LAMA2: variants seen among roughly 807,000 people sequenced by gnomAD.
LAMA2 encodes laminin subunit alpha 2.
LAMA2 carries 269 observed loss-of-function variants against 364.8 expected under a neutral mutation model. The ratio of observed to expected loss-of-function variants is 0.74; its 90% CI spans 0.67 to 0.82. The LOEUF is 0.82. Among genes scored for constraint, LAMA2 ranks in the 40% least tolerant of loss-of-function variants. LAMA2 has a pLI of 0.00. For synonymous variants in LAMA2, 1,379 were observed against 1,370.6 expected (o/e 1.01, Z -0.14); for missense variants, 3,807 against 3,873.2 (o/e 0.98, Z 0.45).
intron 1 of LAMA2, among the ~76,000 whole-genome samples, chr6:128,961,433 G>A (rs1475259703): frequency 7.2e-6 from 1 of 138,014 alleles, no homozygotes; most frequent in Admixed American, 7.5e-5. Context: ...TATATCATGG[G>A]AGTTTATTAA....
chr6:128,953,677 G>C (rs1018055751), intron 1 of LAMA2, among the ~76,000 whole-genome samples: 2 of 151,574 alleles, frequency 1.3e-5, no homozygotes, highest in Non-Finnish European at 2.9e-5. Context: ...GCAAAGAGAA[G>C]AGAAAAAAGA....
At chr6:129,061,712 A>C (rs1788931841) in intron 3 of LAMA2, among the ~76,000 whole-genome samples, 1 of 152,206 alleles carries the variant, frequency 6.6e-6, no homozygotes, top group Admixed American at 6.5e-5. Context: ...AGATGAGTGA[A>C]TATGCCAAGA....
intron 1 of LAMA2, among the ~76,000 whole-genome samples, chr6:128,922,718 T>A (rs1033104438): frequency 4.6e-5 from 7 of 152,194 alleles, no homozygotes; most frequent in Non-Finnish European, 1.5e-5. Context: ...TTTAATTAGA[T>A]CCCATTTGTC....
In LAMA2 at chr6:129,492,093, C is replaced by CA; in HGVS notation, c.8075+17dup. 1 of 1,603,068 alleles carries CA rather than the reference C, an allele frequency of 6.2e-7. No homozygotes were observed. The highest frequency in any genetic ancestry group is 8.5e-7 in the Non-Finnish European group (1 of 1,169,974). On this transcript the variant is annotated intron_variant, in intron 57 of 64. Coordinates refer to ENST00000421865, the MANE Select transcript of LAMA2 (RefSeq NM_000426.4). The stretch of plus-strand genomic sequence containing the variant: ...TTAACTCTGTGTAAGTGGATCTCCT[C>CA]ATTACTACTACTAATTTTTTATTTT...
intron 19 of LAMA2, among the ~76,000 whole-genome samples, chr6:129,290,632 A>G (rs891008055): frequency 5.3e-5 from 8 of 152,170 alleles, no homozygotes; most frequent in African/African-American, 1.9e-4. Flanking sequence ...AGTAGCCTAA[A>G]TTCCCATGTC....
chr6:129,466,742 A>T (rs184908677), intron 51 of LAMA2, among the ~76,000 whole-genome samples: 12 of 152,028 alleles, frequency 7.9e-5, no homozygotes, highest in Admixed American at 4.6e-4. Flanking sequence ...TAGTAACTAC[A>T]AGTGAATCCA....
At chr6:129,386,030 G>A (rs776977433) in intron 35 of LAMA2, among the ~76,000 whole-genome samples, 2 of 151,702 alleles carry the variant, frequency 1.3e-5, no homozygotes, top group African/African-American at 2.4e-5. Flanking sequence ...TGAACGTTAT[G>A]GCATGGTTTT....
intron 1 of LAMA2, among the ~76,000 whole-genome samples, chr6:129,041,447 C>T (rs1787088836): frequency 6.6e-6 from 1 of 152,180 alleles, no homozygotes; most frequent in African/African-American, 2.4e-5. Context: ...TTGCCCAGTT[C>T]CTCTGATTCT....
rs563951099 is a variant in LAMA2, at chr6:129,432,049, T to A, written c.5968+4195T>A. Among the ~76,000 whole-genome samples, 533 of 152,326 alleles carry A rather than the reference T, an allele frequency of 3.5e-3. 3 individuals carry two copies. The highest frequency in any genetic ancestry group is 4.0e-3 in the Non-Finnish European group (273 of 68,026). On this transcript the variant is annotated intron_variant, in intron 41 of 64. Coordinates refer to ENST00000421865, the MANE Select transcript of LAMA2 (RefSeq NM_000426.4). ...AAGATATACTCCTTTTGAATTTGCA[T>A]ATTACCCTTTGCCTGAATCAGCCTT...
At chr6:129,070,044 G>A (rs548833555) in intron 3 of LAMA2, among the ~76,000 whole-genome samples, 1 of 152,140 alleles carries the variant, frequency 6.6e-6, no homozygotes, top group Admixed American at 6.5e-5. Flanking sequence ...GTGAGACTAA[G>A]GAGAAAGGAG....
At chr6:128,899,923 C>T (rs1776983445) in intron 1 of LAMA2, among the ~76,000 whole-genome samples, 1 of 152,020 alleles carries the variant, frequency 6.6e-6, no homozygotes, top group South Asian at 2.1e-4. Context: ...GATTAAAATG[C>T]CCATTTAAGA....
chr6:129,156,724 A>C (rs1779138996), intron 8 of LAMA2, among the ~76,000 whole-genome samples: 2 of 152,152 alleles, frequency 1.3e-5, no homozygotes, highest in South Asian at 4.1e-4. Flanking sequence ...AACAACAAAA[A>C]AAATGGTGGT....
At chr6:129,012,151 A>G (rs1384806368) in intron 1 of LAMA2, among the ~76,000 whole-genome samples, 1 of 152,204 alleles carries the variant, frequency 6.6e-6, no homozygotes, top group Non-Finnish European at 1.5e-5. Context: ...AAACTTGGCT[A>G]TCCACCACCA....
intron 2 of LAMA2, 104 bp downstream of exon 2, chr6:129,050,192 TC>T: frequency 2.6e-6 from 3 of 1,149,956 alleles, no homozygotes; most frequent in Non-Finnish European, 3.8e-6. Context: ...TACTAAGAAT[TC>T]CTAGAATTCT....
Position 129,353,328 on chromosome 6 carries a change from G to A in LAMA2, c.4688G>A (p.Trp1563Ter), listed in dbSNP as rs2114593621. Residue 1563 changes from tryptophan to a stop codon, truncating the protein, a stop_gained, in exon 32 of 65, where the codon TGG (tryptophan) becomes TAG (stop). Coordinates refer to ENST00000421865, the MANE Select transcript of LAMA2 (RefSeq NM_000426.4). LOFTEE classifies it high-confidence loss of function. The part of the protein sequence containing the change: ...TGRKCDGCKH[W>*]HAREGWECVF... ...AGGAAGTGTGACGGCTGCAAGCACT[G>A]GCATGCACGCGAGGGCTGGGAGTGT... 1 of 1,614,042 alleles carries A rather than the reference G, an allele frequency of 6.2e-7. No individual in the cohort carries two copies. Among genetic ancestry groups the A allele is most frequent in the Non-Finnish European group, 8.5e-7 (1 of 1,179,970 alleles).
At chr6:128,942,415 C>G (rs573812744) in intron 1 of LAMA2, among the ~76,000 whole-genome samples, 4 of 152,132 alleles carry the variant, frequency 2.6e-5, no homozygotes, top group African/African-American at 4.8e-5. Flanking sequence ...AAATCTCTTT[C>G]TTCCAGTTGA....
rs530786733 is a variant in LAMA2 at position 129,486,725 on chromosome 6, T to C, written c.7898+103T>C. 5 of 1,006,958 alleles carry C rather than the reference T, an allele frequency of 5.0e-6. No individual in the cohort carries two copies. In the Admixed American group the frequency reaches 5.2e-5, roughly 10 times the overall value. The allele number at this position is 1,006,958 out of a possible 1,614,324, so 62.4% of individuals were successfully genotyped here. On this transcript the variant is annotated intron_variant, in intron 56 of 64. Coordinates refer to ENST00000421865, the MANE Select transcript of LAMA2 (RefSeq NM_000426.4). Reference sequence around the variant, plus strand: ...GCCTGAACCTCTGTGTGTGTGGACCTACTATGCATTGCAAAAGGATACCGT... The same window carrying C: ...GCCTGAACCTCTGTGTGTGTGGACCCACTATGCATTGCAAAAGGATACCGT...
chr6:129,324,667 C>T (rs1775166355), intron 28 of LAMA2, among the ~76,000 whole-genome samples: 1 of 152,178 alleles, frequency 6.6e-6, no homozygotes, highest in South Asian at 2.1e-4. Context: ...GCCTGTTGCT[C>T]CTAGGCTACA....
intron 7 of LAMA2, among the ~76,000 whole-genome samples, chr6:129,153,335 C>A (rs1177900921): frequency 6.6e-6 from 1 of 152,120 alleles, no homozygotes; most frequent in African/African-American, 2.4e-5. Context: ...GGAAACTGAG[C>A]CTTCGTGAAA....
Sources: allele counts gnomAD v4.1 joint callset (sites outside exome capture counted in the v4.1 genomes callset), GRCh38; gene constraint gnomAD v4.1.1; transcripts MANE v1.5; gene names NCBI Gene and HGNC (gene_info 2026-07-23, HGNC 2026-07-21).